Variants in SNX18 observed in about 807,000 individuals in gnomAD.
SNX18 encodes the protein sorting nexin-18.
In SNX18, 35 loss-of-function variants were observed where a neutral mutation model predicts 48.7. The ratio of observed to expected loss-of-function variants is 0.72; its 90% CI spans 0.55 to 0.95. The LOEUF (loss-of-function observed/expected upper bound fraction) is 0.95, where lower values mean the gene tolerates loss of function less well. Ranked by LOEUF, SNX18 falls within the 40% of genes least tolerant of loss-of-function variation. SNX18 has a pLI of 0.00. For missense variants in SNX18, 824 were observed against 871.0 expected (o/e 0.95, Z 0.68); for synonymous variants, 492 against 384.7 (o/e 1.28, Z -3.26).
At chr5:54,622,271 G>A in the SNX18 span, among the ~76,000 whole-genome samples, 8 of 152,324 alleles carry the variant, frequency 5.3e-5, no homozygotes, top group South Asian at 2.1e-4. Context: ...GGCCAAGGTC[G>A]GAGGATCACT....
intron 1 of SNX18, chr5:54,519,885 GAC>G: frequency 6.7e-7 from 1 of 1,484,396 alleles, no homozygotes; most frequent in Middle Eastern, 2.3e-4. Flanking sequence ...GTAATCTTGA[GAC>G]GAGGGTAGAA....
At chr5:54,570,575 C>T in the SNX18 span, among the ~76,000 whole-genome samples, 2 of 152,142 alleles carry the variant, frequency 1.3e-5, no homozygotes. Flanking sequence ...ATATTCTATG[C>T]AATTAAGTAC....
At chr5:54,562,649 G>A in the SNX18 span, among the ~76,000 whole-genome samples, 5 of 152,136 alleles carry the variant, frequency 3.3e-5, no homozygotes, top group African/African-American at 7.2e-5. Context: ...ACACAACTAC[G>A]TACAGTACCT....
chr5:54,533,898 A>G (rs1005557812), intron 1 of SNX18, among the ~76,000 whole-genome samples: 1 of 152,140 alleles, frequency 6.6e-6, no homozygotes, highest in Non-Finnish European at 1.5e-5. Flanking sequence ...ACCAACAGGG[A>G]GGAAGGAAAG....
the SNX18 span, among the ~76,000 whole-genome samples, chr5:54,596,912 C>A: frequency 6.6e-6 from 1 of 151,874 alleles, no homozygotes; most frequent in Non-Finnish European, 1.5e-5. Context: ...GTCTCTCGAC[C>A]AGATGCAGAT....
chr5:54,640,526 G>A, the SNX18 span, among the ~76,000 whole-genome samples: 180 of 152,294 alleles, frequency 1.2e-3, no homozygotes, highest in African/African-American at 4.0e-3. Flanking sequence ...GCCCGCCAGA[G>A]TAGGGTCTCA....
intron 1 of SNX18, among the ~76,000 whole-genome samples, chr5:54,532,276 T>C (rs1762264132): frequency 6.6e-6 from 1 of 151,960 alleles, no homozygotes; most frequent in Non-Finnish European, 1.5e-5. Flanking sequence ...GTGTCGAAAG[T>C]GTTGGCAGCT....
At chr5:54,622,237 G>T in the SNX18 span, among the ~76,000 whole-genome samples, 11 of 152,216 alleles carry the variant, frequency 7.2e-5, no homozygotes, top group Non-Finnish European at 1.5e-5. Context: ...GGTGGCTCAC[G>T]CCAATAATCC....
At chr5:54,618,674 G>C in the SNX18 span, among the ~76,000 whole-genome samples, 2 of 152,200 alleles carry the variant, frequency 1.3e-5, no homozygotes, top group Non-Finnish European at 2.9e-5. Context: ...GAGAGAAGGG[G>C]TTGAGGTTAC....
rs753288583 is a variant in SNX18 at position 54,519,220 on chromosome 5, A to C, written c.1268A>C (p.Glu423Ala). ...TPPAAALDLQ[E>A]VESKIDGFKC... ...CCCGCCGCTGCCCTTGACCTGCAGG[A>C]GGTGGAGAGCAAGATCGACGGCTTC... Residue 423 changes from glutamate (E) to alanine (A), a missense_variant, in exon 1 of 2, where the codon GAG becomes GCG. By Grantham distance (107) the Glu-to-Ala change is moderately radical. This residue lies in a region of SNX18 where 443 missense variants were observed against 503.6 expected (regional missense o/e 0.88). Coordinates refer to ENST00000381410, the MANE Select transcript of SNX18 (RefSeq NM_001102575.2). 3.1e-6 allele frequency: 5 copies of C among 1,614,088 alleles called. No individual in the cohort carries two copies. In the East Asian group the frequency reaches 1.1e-4, roughly 36 times the overall value.
the SNX18 span, among the ~76,000 whole-genome samples, chr5:54,640,259 AC>A: frequency 1.3e-5 from 2 of 151,184 alleles, no homozygotes; most frequent in Admixed American, 1.3e-4. Context: ...CATCACCCAG[AC>A]TGGAGTGCGG....
the SNX18 span, among the ~76,000 whole-genome samples, chr5:54,584,533 T>G: frequency 6.6e-6 from 1 of 152,092 alleles, no homozygotes; most frequent in East Asian, 1.9e-4. Context: ...ATAGGTGGAG[T>G]GTGGCCTTGT....
At chr5:54,523,947 G>A (rs1762080559) in intron 1 of SNX18, among the ~76,000 whole-genome samples, 1 of 152,210 alleles carries the variant, frequency 6.6e-6, no homozygotes, top group Non-Finnish European at 1.5e-5. Context: ...ACAGAGAAAA[G>A]CTCTAAGAAG....
At chr5:54,630,218 T>C in the SNX18 span, among the ~76,000 whole-genome samples, 1 of 152,142 alleles carries the variant, frequency 6.6e-6, no homozygotes, top group African/African-American at 2.4e-5. Context: ...GTAGGGAAAA[T>C]TGATGGAAGA....
intron 1 of SNX18, among the ~76,000 whole-genome samples, chr5:54,540,554 G>C (rs980921): frequency 0.64 from 97,008 of 152,068 alleles, 31,028 homozygotes; most frequent in African/African-American, 0.66. Context: ...GTTACGGATG[G>C]ACATCTGTAA....
At chr5:54,598,131 G>T in the SNX18 span, among the ~76,000 whole-genome samples, 4 of 152,144 alleles carry the variant, frequency 2.6e-5, no homozygotes, top group African/African-American at 9.7e-5. Context: ...AAATCTAGAA[G>T]AAATGGATAA....
chr5:54,623,679 A>T, the SNX18 span, among the ~76,000 whole-genome samples: 1 of 152,196 alleles, frequency 6.6e-6, no homozygotes, highest in Non-Finnish European at 1.5e-5. Context: ...ACTACTTGGG[A>T]TAATTTTGAG....
chr5:54,593,092 T>TGCC, the SNX18 span, among the ~76,000 whole-genome samples: 1 of 152,178 alleles, frequency 6.6e-6, no homozygotes, highest in African/African-American at 2.4e-5. Context: ...TGAGCCACTA[T>TGCC]GCCTGGCCCC....
At chr5:54,526,546 C>T (rs1183712831) in intron 1 of SNX18, among the ~76,000 whole-genome samples, 1 of 152,080 alleles carries the variant, frequency 6.6e-6, no homozygotes, top group Non-Finnish European at 1.5e-5. Context: ...TGTTATTTAG[C>T]AGGTAAGGGG....
Sources: gnomAD v4.1 joint callset for allele counts (sites outside exome capture counted in the v4.1 genomes callset) on GRCh38, gnomAD v4.1.1 for gene constraint, gnomAD v4.1.1 regional missense constraint, MANE v1.5 for transcripts, NCBI Gene and HGNC (gene_info 2026-07-23, HGNC 2026-07-21) for gene names.